CD99L2: variants seen among roughly 807,000 people sequenced by gnomAD.
CD99L2 encodes CD99 antigen-like protein 2.
A neutral mutation model predicts 27.3 loss-of-function variants in CD99L2; 24 were observed. The ratio of observed to expected loss-of-function variants is 0.88; its 90% CI spans 0.64 to 1.24. CD99L2 has a LOEUF of 1.24. Ranked by LOEUF, CD99L2 falls within the 50% of genes most tolerant of loss-of-function variation. CD99L2 has a pLI of 0.00. For synonymous variants in CD99L2, 97 were observed against 87.9 expected, an observed-to-expected ratio of 1.10 and a Z score of -0.58; for missense variants, 255 against 221.6, an observed-to-expected ratio of 1.15 and a Z score of -0.96.
In CD99L2 at chrX:150,826,871, T is replaced by C. The variant is rs546548671; in HGVS notation, c.130+4360A>G. 8.1e-5 allele frequency among the ~76,000 whole-genome samples: 9 copies of C among 111,498 alleles called. No individual in the cohort carries two copies. In the South Asian group the frequency reaches 3.5e-3, roughly 43 times the overall value. On this transcript the variant is annotated intron_variant, in intron 2 of 10. Coordinates refer to ENST00000370377, the MANE Select transcript of CD99L2 (RefSeq NM_031462.4). The stretch of plus-strand genomic sequence containing the variant: ...TGATCTCTTGGCCTCGAAGTCTCCT[T>C]CCTCACTTCCTTGCACATTACCTCT...
chrX:150,879,803 T>TA (rs1395878518), intron 1 of CD99L2, among the ~76,000 whole-genome samples: 1 of 91,558 alleles, frequency 1.1e-5, no homozygotes, highest in African/African-American at 4.2e-5. Flanking sequence ...TACACACCTG[T>TA]AGCCCCAGCT....
At chrX:150,776,057 G>T in intron 9 of CD99L2, 117 bp downstream of exon 9, 1 of 962,084 alleles carries the variant, frequency 1.0e-6, no homozygotes, top group African/African-American at 1.9e-5. Flanking sequence ...GTCCCAGGAA[G>T]TCTGCTTGGG....
chrX:150,816,180 G>A (rs1296544341), intron 2 of CD99L2, 102 bp from the exon 3 acceptor site: 3 of 808,804 alleles, frequency 3.7e-6, no homozygotes, highest in Non-Finnish European at 5.5e-6. Context: ...GAATATCCTT[G>A]TCTTGGTCCT....
chrX:150,835,854 G>C (rs781998400), intron 1 of CD99L2, among the ~76,000 whole-genome samples: 1 of 111,605 alleles, frequency 9.0e-6, no homozygotes, highest in East Asian at 2.8e-4. Flanking sequence ...GAAGTAAGAG[G>C]GGTCATTGGA....
At chrX:150,844,816 G>A (rs1219109247) in intron 1 of CD99L2, among the ~76,000 whole-genome samples, 10 of 111,198 alleles carry the variant, frequency 9.0e-5, no homozygotes, top group African/African-American at 3.3e-4. Flanking sequence ...ACCTGCAGTG[G>A]CCATAAGAGG....
rs2124180786 is a variant in CD99L2, at chrX:150,814,889, G to A, written c.250C>T (p.Arg84Cys). ...ADALDDQDDG[R>C]RKPGIGGRER... ...CTTCCTCCTATACCCGGTTTCCTGC[G>A]GCCATCATCTTGATCATCCAAAGCA... is the stretch of plus-strand genomic sequence containing the variant. The change falls in exon 4 of 11, where the codon CGC becomes TGC. Residue 84 changes from arginine to cysteine, a missense_variant. Transcript: ENST00000370377. 8.3e-7 allele frequency: 1 copy of A among 1,210,498 alleles called. No homozygotes were observed. Among genetic ancestry groups the A allele is most frequent in the South Asian group, 1.8e-5 (1 of 56,879 alleles).
chrX:150,779,315 T>G (rs1435235118), intron 7 of CD99L2, among the ~76,000 whole-genome samples: 2 of 112,299 alleles, frequency 1.8e-5, no homozygotes, highest in African/African-American at 3.2e-5. Flanking sequence ...TGACCATTTG[T>G]GATTGTTGGA....
At chrX:150,874,383 G>A (rs2047198579) in intron 1 of CD99L2, among the ~76,000 whole-genome samples, 1 of 111,833 alleles carries the variant, frequency 8.9e-6, no homozygotes, top group Non-Finnish European at 1.9e-5. Flanking sequence ...GAGGAAGAAG[G>A]AATTGGGAGA....
intron 9 of CD99L2, among the ~76,000 whole-genome samples, chrX:150,775,451 C>T (rs1440348691): frequency 1.3e-4 from 15 of 112,398 alleles, no homozygotes; most frequent in South Asian, 3.7e-4. Flanking sequence ...TGTGGGGCGC[C>T]GATGGGTGAA....
chrX:150,814,932 A>G lies in CD99L2; in HGVS notation c.207T>C (p.Ser69=), dbSNP rs782762279. ...CCAAAGCATCAGCCAAGTCCAATCCACTACCTTCAGTGGGCCCCAAAACAT... is the reference window on the plus strand; with the variant it reads ...CCAAAGCATCAGCCAAGTCCAATCCGCTACCTTCAGTGGGCCCCAAAACAT... ...TTRAPAKPPG[S]GLDLADALDD... is the part of the protein sequence containing the mutation. The change falls in exon 4 of 11, where the codon AGT becomes AGC. Residue 69 remains serine (S), a synonymous_variant. Coordinates refer to ENST00000370377, the MANE Select transcript of CD99L2 (RefSeq NM_031462.4). 28 of 1,209,326 alleles carry G rather than the reference A, an allele frequency of 2.3e-5. No individual in the cohort carries two copies. The highest frequency in any genetic ancestry group is 6.6e-5 in the Admixed American group (3 of 45,701).
At chrX:150,850,364 A>G (rs1199223600) in intron 1 of CD99L2, among the ~76,000 whole-genome samples, 1 of 111,294 alleles carries the variant, frequency 9.0e-6, no homozygotes, top group Non-Finnish European at 1.9e-5. Context: ...CATGCTCACC[A>G]CTCAGAGCCC....
chrX:150,815,739 A>G (rs1557420462), intron 3 of CD99L2, among the ~76,000 whole-genome samples: 1 of 112,551 alleles, frequency 8.9e-6, no homozygotes, highest in Non-Finnish European at 1.9e-5. Context: ...CTGATTTTAG[A>G]AAATGAAACG....
chrX:150,874,696 C>T (rs575382714), intron 1 of CD99L2, among the ~76,000 whole-genome samples: 28 of 111,915 alleles, frequency 2.5e-4, no homozygotes, highest in African/African-American at 8.8e-4. Flanking sequence ...CACTGGGCAA[C>T]CTTCCTTGAA....
At chrX:150,790,656 C>T (rs782326027) in intron 7 of CD99L2, among the ~76,000 whole-genome samples, 7 of 111,292 alleles carry the variant, frequency 6.3e-5, no homozygotes, top group Non-Finnish European at 9.4e-5. Flanking sequence ...TTGAGTAAGA[C>T]AGTAAATGAA....
At chrX:150,793,521 A>G (rs781893675) in intron 7 of CD99L2, among the ~76,000 whole-genome samples, 170 bp downstream of exon 7, 9 of 112,135 alleles carry the variant, frequency 8.0e-5, no homozygotes, top group Non-Finnish European at 1.7e-4. Context: ...TGGCTTATAA[A>G]TCCCCCCCTT....
chrX:150,780,573 A>T (rs1557419414), intron 7 of CD99L2, among the ~76,000 whole-genome samples: 1 of 112,026 alleles, frequency 8.9e-6, no homozygotes, highest in African/African-American at 3.2e-5. Flanking sequence ...AATGAATAAA[A>T]TGTTTATGGA....
intron 7 of CD99L2, among the ~76,000 whole-genome samples, chrX:150,790,671 G>A (rs1043817031): frequency 2.7e-5 from 3 of 111,429 alleles, no homozygotes; most frequent in Non-Finnish European, 5.7e-5. Flanking sequence ...AATGAATGAC[G>A]GGTAGTAGGA....
chrX:150,794,689 G>C (rs782110738), intron 6 of CD99L2, among the ~76,000 whole-genome samples: 1 of 111,592 alleles, frequency 9.0e-6, no homozygotes, highest in South Asian at 3.8e-4. Context: ...GATCTGAAAA[G>C]TCTGTGAAAA....
At chrX:150,895,478 T>C (rs111574486) in intron 1 of CD99L2, among the ~76,000 whole-genome samples, 7,271 of 110,295 alleles carry the variant, frequency 0.066, 526 homozygotes, top group African/African-American at 0.21. Context: ...TTATGCAGAG[T>C]TGCTTCTGTG....
Sources: gnomAD v4.1 joint callset for allele counts (sites outside exome capture counted in the v4.1 genomes callset) on GRCh38, gnomAD v4.1.1 for gene constraint, MANE v1.5 for transcripts, NCBI Gene and HGNC (gene_info 2026-07-23, HGNC 2026-07-21) for gene names.